MDN1: variants seen among roughly 807,000 people sequenced by gnomAD.
The protein encoded by MDN1 is midasin AAA ATPase 1, also known as midasin.
MDN1 carries 266 observed loss-of-function variants against 669.2 expected under a neutral mutation model. That is an observed-to-expected ratio of 0.40 (90% CI 0.36 to 0.44). The LOEUF (loss-of-function observed/expected upper bound fraction) is 0.44. Among genes scored for constraint, MDN1 ranks in the 20% least tolerant of loss-of-function variants. The probability of loss-of-function intolerance (pLI) is 1.00; values close to 1 mark genes in which losing one functional copy is unlikely to be tolerated. For missense variants in MDN1, 5,940 were observed against 6,754.0 expected, an observed-to-expected ratio of 0.88 and a Z score of 4.22; for synonymous variants, 2,385 against 2,457.1, an observed-to-expected ratio of 0.97 and a Z score of 0.87.
intron 79 of MDN1, 52 bp from the exon 80 acceptor site, chr6:89,673,514 A>C (rs540468333): frequency 6.7e-7 from 1 of 1,488,148 alleles, no homozygotes; most frequent in Admixed American, 1.7e-5. Context: ...GTTCCCACAA[A>C]CACACACCCC....
rs946883444 is a variant in MDN1, at chr6:89,754,079, A to G, written c.2964+4T>C. ...ATATCCAGTCAAAGAGACTTCAGAA[A>G]GACCTCATAGAGTGAGCGCTGAATG... On this transcript the variant is annotated splice_donor_region_variant and intron_variant, in intron 21 of 101. Transcript: ENST00000369393. The G allele has an allele frequency of 1.2e-6, 2 of 1,612,080 alleles. No homozygotes were observed. Among genetic ancestry groups the G allele is most frequent in the Non-Finnish European group, 1.7e-6 (2 of 1,179,342 alleles).
chr6:89,802,729 C>T (rs765674929), intron 2 of MDN1, among the ~76,000 whole-genome samples: 12 of 151,956 alleles, frequency 7.9e-5, no homozygotes, highest in Non-Finnish European at 1.6e-4. Flanking sequence ...CCTATTGGTA[C>T]ACAGAATATT....
intron 83 of MDN1, among the ~76,000 whole-genome samples, chr6:89,670,476 C>T (rs1218522795): frequency 6.6e-6 from 1 of 151,868 alleles, no homozygotes; most frequent in South Asian, 2.1e-4. Context: ...CCACAACAGG[C>T]GAAAAACACT....
chr6:89,771,943 G>C (rs1818102675), intron 14 of MDN1, among the ~76,000 whole-genome samples: 1 of 152,114 alleles, frequency 6.6e-6, no homozygotes, highest in Non-Finnish European at 1.5e-5. Flanking sequence ...CCGGGCTCAA[G>C]CAATCCTCCT....
chr6:89,774,500 G>T, intron 13 of MDN1, 121 bp downstream of exon 13: 1 of 683,854 alleles, frequency 1.5e-6, no homozygotes, highest in Non-Finnish European at 2.6e-6. Flanking sequence ...TTCCCATATA[G>T]CATACTACAG....
At chr6:89,740,538 C>T (rs1427319191) in intron 31 of MDN1, among the ~76,000 whole-genome samples, 160 bp from the exon 32 acceptor site, 1 of 152,116 alleles carries the variant, frequency 6.6e-6, no homozygotes, top group Non-Finnish European at 1.5e-5. Flanking sequence ...GACTCACTAT[C>T]CCAATTTCTG....
intron 84 of MDN1, among the ~76,000 whole-genome samples, 169 bp downstream of exon 84, chr6:89,667,845 T>C (rs1810371106): frequency 6.6e-6 from 1 of 152,140 alleles, no homozygotes; most frequent in Non-Finnish European, 1.5e-5. Context: ...TTCCTGTGGA[T>C]TTTAGGCTTT....
chr6:89,733,278 T>C (rs575479591), intron 33 of MDN1, among the ~76,000 whole-genome samples: 20 of 152,108 alleles, frequency 1.3e-4, no homozygotes, highest in African/African-American at 4.6e-4. Flanking sequence ...TTCAGCAAAT[T>C]AGGGGGTTCA....
rs2128301522 is a variant in MDN1, at chr6:89,662,826, T to G, written c.14378A>C (p.Asn4793Thr). Residue 4793 changes from asparagine to threonine, a missense_variant, in exon 86 of 102, where the codon AAT becomes ACT. Around this residue, in one of 5 missense-constraint regions of MDN1, gnomAD observed 2,280 missense variants for 2,576.3 expected, o/e 0.88. Coordinates refer to ENST00000369393, the MANE Select transcript of MDN1 (RefSeq NM_014611.3). ...DEEEDEEEED[N>T]KTEETGPGMD... The stretch of plus-strand genomic sequence containing the variant: ...TCCTGGTCCTGTTTCTTCAGTTTTA[T>G]TGTCTTCTTCCTCCTCATCTTCCTC... 1 of 1,614,160 alleles carries G rather than the reference T, an allele frequency of 6.2e-7. No individual in the cohort carries two copies. Among genetic ancestry groups the G allele is most frequent in the Non-Finnish European group, 8.5e-7 (1 of 1,180,014 alleles).
Position 89,673,435 on chromosome 6 carries a change from C to T in MDN1, c.13275G>A (p.Ala4425=), listed in dbSNP as rs781029849. Residue 4425 remains alanine, a synonymous_variant, in exon 80 of 102, where the codon GCG becomes GCA. Transcript: ENST00000369393. ...CTGACACCTGGGACAAGCAACTCAG[C>T]GCAGAAGAGCAAACTTCAAAATCTT... ...SWKDFEVCSS[A]LSCLSQVSVH... 24 of 1,614,048 alleles carry T rather than the reference C, an allele frequency of 1.5e-5. No individual in the cohort carries two copies. Among genetic ancestry groups the T allele is most frequent in the Middle Eastern group, 1.6e-4 (1 of 6,084 alleles).
chr6:89,785,040 T>C lies in MDN1; in HGVS notation c.1421A>G (p.Asp474Gly), dbSNP rs1818880785. ...LDKYWTKIHL[D>G]NLDKRELNEV... ...ATTCAGTTCTCTCTTATCCAGGTTA[T>C]CCAGGTGAATTTTGGTCCAATATTT... The change falls in exon 9 of 102, where the codon GAT becomes GGT. Residue 474 changes from aspartate to glycine, a missense_variant. Coordinates refer to ENST00000369393, the MANE Select transcript of MDN1 (RefSeq NM_014611.3). 8 of 1,613,804 alleles carry C rather than the reference T, an allele frequency of 5.0e-6. No individual in the cohort carries two copies. The highest frequency in any genetic ancestry group is 6.8e-6 in the Non-Finnish European group (8 of 1,179,684).
chr6:89,743,797 A>T (rs1816422988), intron 29 of MDN1, 83 bp from the exon 30 acceptor site: 7 of 1,471,912 alleles, frequency 4.8e-6, no homozygotes, highest in Admixed American at 1.8e-5. Context: ...AAAGAGAAGA[A>T]CCACTGTGGG....
chr6:89,645,591 G>A (rs916636689), intron 100 of MDN1, among the ~76,000 whole-genome samples: 2 of 152,130 alleles, frequency 1.3e-5, no homozygotes, highest in Non-Finnish European at 2.9e-5. Context: ...AATTTCAGTC[G>A]TTACATATAA....
chr6:89,719,130 C>T lies in MDN1; in HGVS notation c.6057+6G>A. 6.2e-7 allele frequency: 1 copy of T among 1,612,858 alleles called. No individual in the cohort carries two copies. The highest frequency in any genetic ancestry group is 8.5e-7 in the Non-Finnish European group (1 of 1,178,810). Reference sequence around the variant, plus strand: ...AAAGGATAGAGGATTATCCTAGTCTCCTTACCTGAACATCATAGGGAGTGA... The same window carrying T: ...AAAGGATAGAGGATTATCCTAGTCTTCTTACCTGAACATCATAGGGAGTGA... On this transcript the variant is annotated splice_donor_region_variant and intron_variant, in intron 41 of 101. Transcript: ENST00000369393.
At chr6:89,732,535 C>T in intron 34 of MDN1, 22 bp downstream of exon 34, 1 of 1,610,252 alleles carries the variant, frequency 6.2e-7, no homozygotes, top group Admixed American at 1.7e-5. Flanking sequence ...CCCTTGTCCC[C>T]ACCAGCTACC....
At chr6:89,665,536 G>A (rs1049301968) in intron 84 of MDN1, among the ~76,000 whole-genome samples, 5 of 149,044 alleles carry the variant, frequency 3.4e-5, no homozygotes, top group African/African-American at 7.4e-5. Context: ...GTGAAACACC[G>A]TCTCTACTAC....
chr6:89,813,799 C>T (rs1256956659), intron 1 of MDN1, among the ~76,000 whole-genome samples: 1 of 151,842 alleles, frequency 6.6e-6, no homozygotes, highest in East Asian at 1.9e-4. Context: ...CTATGTTCTG[C>T]CAAAACTAAG....
intron 10 of MDN1, chr6:89,781,132 T>A: frequency 1.8e-5 from 8 of 449,108 alleles, no homozygotes; most frequent in Non-Finnish European, 2.8e-5. Flanking sequence ...TCTTTAAAAG[T>A]TATTTTTTAA....
intron 34 of MDN1, among the ~76,000 whole-genome samples, chr6:89,732,317 A>C (rs1815654286): frequency 6.6e-6 from 1 of 151,506 alleles, no homozygotes; most frequent in African/African-American, 2.4e-5. Flanking sequence ...TCTTTACTCT[A>C]CTCATAATCA....
Sources: gnomAD v4.1 joint callset for allele counts (sites outside exome capture counted in the v4.1 genomes callset) on GRCh38, gnomAD v4.1.1 for gene constraint, gnomAD v4.1.1 regional missense constraint, MANE v1.5 for transcripts, NCBI Gene and HGNC (gene_info 2026-07-23, HGNC 2026-07-21) for gene names.